Variants in GALNTL6 observed in about 807,000 individuals in gnomAD.
GALNTL6 encodes polypeptide N-acetylgalactosaminyltransferase like 6, also known as polypeptide N-acetylgalactosaminyltransferase-like 6.
GALNTL6 carries 46 observed loss-of-function variants against 73.7 expected under a neutral mutation model. The ratio of observed to expected loss-of-function variants is 0.62; its 90% CI spans 0.49 to 0.80. The LOEUF is 0.80. Ranked by LOEUF, GALNTL6 falls within the 30% of genes least tolerant of loss-of-function variation. The pLI is 0.00. For synonymous variants in GALNTL6, 259 were observed against 263.7 expected, an observed-to-expected ratio of 0.98 and a Z score of 0.17; for missense variants, 604 against 755.0, an observed-to-expected ratio of 0.80 and a Z score of 2.34.
chr4:172,423,665 A>C (rs1348022408), intron 5 of GALNTL6, among the ~76,000 whole-genome samples: 3 of 152,088 alleles, frequency 2.0e-5, no homozygotes, highest in African/African-American at 7.2e-5. Flanking sequence ...TCATGTATTT[A>C]CTTACTTATA....
At chr4:172,656,782 A>G (rs1420013250) in intron 5 of GALNTL6, among the ~76,000 whole-genome samples, 1 of 152,242 alleles carries the variant, frequency 6.6e-6, no homozygotes, top group Non-Finnish European at 1.5e-5. Context: ...TGTGAGGCAC[A>G]CAGATATTTC....
At chr4:172,283,832 T>A (rs947379558) in intron 3 of GALNTL6, among the ~76,000 whole-genome samples, 254 of 152,302 alleles carry the variant, frequency 1.7e-3, no homozygotes, top group African/African-American at 5.9e-3. Flanking sequence ...ATTACACATT[T>A]TATTACAATA....
chr4:172,545,723 T>C (rs919427714), intron 5 of GALNTL6: 2 of 152,296 alleles, frequency 1.3e-5, no homozygotes, highest in East Asian at 3.9e-4. Flanking sequence ...GCTAAAAGCA[T>C]GGTGAATGGA....
At chr4:172,802,951 C>T (rs535645629) in intron 5 of GALNTL6, among the ~76,000 whole-genome samples, 1 of 152,280 alleles carries the variant, frequency 6.6e-6, no homozygotes, top group African/African-American at 2.4e-5. Flanking sequence ...TAATGACTTA[C>T]GTTTTTAGAC....
At chr4:171,863,660 C>T (rs781253341) in intron 2 of GALNTL6, among the ~76,000 whole-genome samples, 3 of 151,910 alleles carry the variant, frequency 2.0e-5, no homozygotes, top group Middle Eastern at 6.8e-3. Flanking sequence ...GGATATTCAT[C>T]ATTAGTCAAG....
At chr4:172,985,522 TAA>T (rs1751253401) in intron 10 of GALNTL6, among the ~76,000 whole-genome samples, 1 of 152,134 alleles carries the variant, frequency 6.6e-6, no homozygotes, top group Admixed American at 6.5e-5. Flanking sequence ...GGAATTGCAA[TAA>T]AGAGTTTAAT....
At chr4:172,598,761 AT>A (rs1737951738) in intron 5 of GALNTL6, among the ~76,000 whole-genome samples, 1 of 152,168 alleles carries the variant, frequency 6.6e-6, no homozygotes, top group African/African-American at 2.4e-5. Context: ...CTTTGATTCC[AT>A]TATCCTTATA....
intron 2 of GALNTL6, among the ~76,000 whole-genome samples, chr4:171,853,903 C>T (rs566731618): frequency 2.1e-4 from 32 of 152,172 alleles, no homozygotes; most frequent in African/African-American, 7.2e-4. Flanking sequence ...TGAGCCACCG[C>T]GCCTGGCCTA....
chr4:172,537,030 C>G (rs1480907467), intron 5 of GALNTL6, among the ~76,000 whole-genome samples: 5 of 152,006 alleles, frequency 3.3e-5, no homozygotes, highest in Admixed American at 1.3e-4. Context: ...GTGCATTTAC[C>G]CAATGCTTGT....
intron 5 of GALNTL6, among the ~76,000 whole-genome samples, chr4:172,368,325 G>A (rs938219902): frequency 6.6e-6 from 1 of 152,120 alleles, no homozygotes; most frequent in African/African-American, 2.4e-5. Context: ...AGGTTGCAGT[G>A]AGCTGAGATC....
rs17058714 is a variant in GALNTL6, at chr4:172,660,462, C to T, written c.554-148899C>T. ...ACCTGAGGAGCATATCTCAAGGAAGCGGAATGTTGAACTGGAGGGAATACT... is the reference window on the plus strand; with the variant it reads ...ACCTGAGGAGCATATCTCAAGGAAGTGGAATGTTGAACTGGAGGGAATACT... On this transcript the variant is annotated intron_variant, in intron 5 of 12. Coordinates refer to ENST00000506823, the MANE Select transcript of GALNTL6 (RefSeq NM_001034845.3). Among the ~76,000 whole-genome samples, 1,060 of 152,306 alleles carry T rather than the reference C, an allele frequency of 7.0e-3. 8 individuals carry two copies. The highest frequency in any genetic ancestry group is 0.024 in the African/African-American group (1,015 of 41,556).
At chr4:172,540,470 A>ATAAC (rs1735511789) in intron 5 of GALNTL6, among the ~76,000 whole-genome samples, 2 of 152,270 alleles carry the variant, frequency 1.3e-5, no homozygotes, top group South Asian at 4.1e-4. Flanking sequence ...AAATAAATAA[A>ATAAC]TAAAAAATAT....
At chr4:172,534,102 T>G (rs1302807981) in intron 5 of GALNTL6, among the ~76,000 whole-genome samples, 1 of 152,054 alleles carries the variant, frequency 6.6e-6, no homozygotes, top group Non-Finnish European at 1.5e-5. Flanking sequence ...CACGGGGAAA[T>G]GATTGGAACG....
chr4:172,606,687 GTA>G (rs1444244759), intron 5 of GALNTL6, among the ~76,000 whole-genome samples: 10 of 70,316 alleles, frequency 1.4e-4, no homozygotes, highest in Middle Eastern at 0.01. Context: ...TATATATATA[GTA>G]TATATATATA....
chr4:172,678,379 CTTG>C (rs1247115072), intron 5 of GALNTL6, among the ~76,000 whole-genome samples: 2 of 150,958 alleles, frequency 1.3e-5, no homozygotes, highest in East Asian at 3.9e-4. Flanking sequence ...GAGTTTCACT[CTTG>C]TTGTACAGGC....
At chr4:172,781,149 A>G (rs1209323427) in intron 5 of GALNTL6, among the ~76,000 whole-genome samples, 3 of 152,222 alleles carry the variant, frequency 2.0e-5, no homozygotes, top group African/African-American at 7.2e-5. Flanking sequence ...TGCCTGCACT[A>G]TGTTATAGCA....
At chr4:172,128,806 C>G (rs1429120402) in intron 2 of GALNTL6, among the ~76,000 whole-genome samples, 3 of 152,134 alleles carry the variant, frequency 2.0e-5, no homozygotes, top group African/African-American at 7.2e-5. Context: ...AGTGTCAATG[C>G]AGGGCAGGAT....
At chr4:172,986,859 GC>G (rs1204088451) in intron 10 of GALNTL6, among the ~76,000 whole-genome samples, 1 of 152,172 alleles carries the variant, frequency 6.6e-6, no homozygotes, top group Non-Finnish European at 1.5e-5. Context: ...ATAAGCTTTA[GC>G]TTGTAGGGCC....
rs369432364 is a variant in GALNTL6, at chr4:173,008,220, A to G, written c.1372-958A>G. 3.7e-4 allele frequency among the ~76,000 whole-genome samples: 56 copies of G among 152,348 alleles called. 1 individual carries two copies. The South Asian group carries it at 0.011, about 31-fold the overall frequency. On this transcript the variant is annotated intron_variant, in intron 10 of 12. Transcript: ENST00000506823. Reference sequence around the variant, plus strand: ...GGTTCACTCGCCTCCATCACATCCTATAACTGCAACATCCGCCTCATATTG... The same window carrying G: ...GGTTCACTCGCCTCCATCACATCCTGTAACTGCAACATCCGCCTCATATTG...
Sources: gnomAD v4.1 joint callset for allele counts (sites outside exome capture counted in the v4.1 genomes callset) on GRCh38, gnomAD v4.1.1 for gene constraint, MANE v1.5 for transcripts, NCBI Gene and HGNC (gene_info 2026-07-23, HGNC 2026-07-21) for gene names.